XRCC4: variants seen among roughly 807,000 people sequenced by gnomAD.
XRCC4 encodes the protein X-ray repair cross complementing 4.
XRCC4 carries 28 observed loss-of-function variants against 39.1 expected under a neutral mutation model. The observed-to-expected ratio is 0.72, with a 90% CI of 0.53 to 0.98. The LOEUF is 0.98. XRCC4 is among the 50% of genes least tolerant of loss of function. The probability of loss-of-function intolerance (pLI) is 0.00; values close to 1 mark genes in which losing one functional copy is unlikely to be tolerated. For missense variants in XRCC4, 350 were observed against 376.4 expected (o/e 0.93, Z 0.58); for synonymous variants, 123 against 126.4 (o/e 0.97, Z 0.18).
intron 3 of XRCC4, among the ~76,000 whole-genome samples, chr5:83,191,913 CTTAG>C (rs1289750872): frequency 6.6e-6 from 1 of 152,006 alleles, no homozygotes; most frequent in Non-Finnish European, 1.5e-5. Flanking sequence ...CATAGGCTAA[CTTAG>C]TTAAAAAGAA....
intron 3 of XRCC4, among the ~76,000 whole-genome samples, chr5:83,124,233 T>G (rs1472400231): frequency 6.6e-6 from 1 of 152,150 alleles, no homozygotes; most frequent in African/African-American, 2.4e-5. Context: ...TTTTATTACC[T>G]CAAAGAAACC....
chr5:83,205,297 G>T (rs1056773573), intron 6 of XRCC4, among the ~76,000 whole-genome samples: 18 of 152,084 alleles, frequency 1.2e-4, no homozygotes, highest in African/African-American at 4.3e-4. Context: ...ATAGGCCACT[G>T]GAGCAGAGTA....
intron 6 of XRCC4, among the ~76,000 whole-genome samples, chr5:83,218,207 A>C (rs775749619): frequency 7.6e-6 from 1 of 132,410 alleles, no homozygotes; most frequent in East Asian, 2.6e-4. Context: ...TACTAATGCT[A>C]TCCCTCCCCC....
intron 7 of XRCC4, among the ~76,000 whole-genome samples, chr5:83,313,466 T>C (rs1056682357): frequency 2.0e-5 from 3 of 152,050 alleles, no homozygotes; most frequent in African/African-American, 2.4e-5. Flanking sequence ...TTGGGTTTTT[T>C]CCCCCCAGTT....
At chr5:83,111,905 A>G (rs1746462134) in intron 3 of XRCC4, among the ~76,000 whole-genome samples, 1 of 152,108 alleles carries the variant, frequency 6.6e-6, no homozygotes, top group Admixed American at 6.5e-5. Context: ...TCATTTCTGA[A>G]GGAGAGGGAA....
intron 6 of XRCC4, among the ~76,000 whole-genome samples, chr5:83,251,523 CAA>C (rs60359773): frequency 0.029 from 1,999 of 69,624 alleles, 22 homozygotes; most frequent in African/African-American, 0.074. Flanking sequence ...GACTCCGTCT[CAA>C]AAAAAAAAAA....
intron 7 of XRCC4, among the ~76,000 whole-genome samples, chr5:83,286,427 G>C (rs1754735594): frequency 6.6e-6 from 1 of 152,084 alleles, no homozygotes; most frequent in Non-Finnish European, 1.5e-5. Flanking sequence ...GCAATAATAA[G>C]AGCAGCTAAC....
At chr5:83,268,305 T>A (rs2112922872) in intron 7 of XRCC4, among the ~76,000 whole-genome samples, 1 of 152,248 alleles carries the variant, frequency 6.6e-6, no homozygotes, top group East Asian at 1.9e-4. Context: ...AAATCATCTA[T>A]CTTACTTTAG....
intron 6 of XRCC4, among the ~76,000 whole-genome samples, chr5:83,245,823 C>T (rs1753078951): frequency 7.3e-6 from 1 of 137,334 alleles, no homozygotes; most frequent in Non-Finnish European, 1.6e-5. Flanking sequence ...CTTTCCCCCA[C>T]TTTTCTCACT....
At chr5:83,231,254 T>C (rs1301011293) in intron 6 of XRCC4, among the ~76,000 whole-genome samples, 1 of 152,068 alleles carries the variant, frequency 6.6e-6, no homozygotes, top group African/African-American at 2.4e-5. Flanking sequence ...ACTAGTATTA[T>C]TCTTACCAAT....
In XRCC4 at chr5:83,204,902, T is replaced by C; in HGVS notation, c.726T>C (p.Asp242=). The part of the protein sequence containing the change: ...STDEESENQT[D]LSGLASAAVS... ...ATGAGGAAAGTGAAAACCAAACTGA[T>C]CTCTCTGGGTTGGCTTCAGGTAAGA... The change falls in exon 6 of 8, where the codon GAT becomes GAC. Residue 242 remains aspartate, a synonymous_variant. Coordinates refer to ENST00000396027, the MANE Select transcript of XRCC4 (RefSeq NM_003401.5). 1 of 1,611,834 alleles carries C rather than the reference T, an allele frequency of 6.2e-7. No individual in the cohort carries two copies. The highest frequency in any genetic ancestry group is 8.5e-7 in the Non-Finnish European group (1 of 1,178,406).
intron 6 of XRCC4, among the ~76,000 whole-genome samples, chr5:83,254,238 C>T (rs76624673): frequency 0.022 from 3,397 of 152,128 alleles, 104 homozygotes; most frequent in African/African-American, 0.076. Context: ...AATATCGAAT[C>T]CATACTTTTC....
At chr5:83,128,809 T>C (rs972398804) in intron 3 of XRCC4, among the ~76,000 whole-genome samples, 1 of 152,162 alleles carries the variant, frequency 6.6e-6, no homozygotes, top group African/African-American at 2.4e-5. Context: ...TTGCCCACTT[T>C]TTGATGGGGT....
chr5:83,122,510 G>A (rs1456247455), intron 3 of XRCC4, among the ~76,000 whole-genome samples: 3 of 152,140 alleles, frequency 2.0e-5, no homozygotes, highest in African/African-American at 7.2e-5. Flanking sequence ...AATGTCAGTA[G>A]TGTTGAATTT....
intron 7 of XRCC4, chr5:83,259,055 AT>A (rs143296002): frequency 7.7e-5 from 14 of 181,088 alleles, no homozygotes; most frequent in South Asian, 3.4e-4. Context: ...TATGCTTGGC[AT>A]TTTTTTTCAA....
At chr5:83,358,718 T>G (rs991115983), downstream of XRCC4, among the ~76,000 whole-genome samples, 14 of 152,190 alleles carry the variant, frequency 9.2e-5, no homozygotes, top group African/African-American at 3.4e-4. Context: ...ACTGCAATCT[T>G]AGAAATAACA....
intron 7 of XRCC4, among the ~76,000 whole-genome samples, chr5:83,348,027 G>C (rs927597387): frequency 6.6e-6 from 1 of 152,276 alleles, no homozygotes; most frequent in Non-Finnish European, 1.5e-5. Flanking sequence ...CTCACATCCA[G>C]GGCACAGTGA....
At chr5:83,338,835 C>T (rs180874317) in intron 7 of XRCC4, among the ~76,000 whole-genome samples, 200 of 152,250 alleles carry the variant, frequency 1.3e-3, no homozygotes, top group African/African-American at 4.6e-3. Context: ...CTGTGGTCAA[C>T]GGCTTTCTGT....
intron 3 of XRCC4, among the ~76,000 whole-genome samples, chr5:83,149,404 C>T (rs1336697219): frequency 4.6e-5 from 7 of 151,558 alleles, no homozygotes; most frequent in Non-Finnish European, 1.5e-5. Flanking sequence ...ATGGATATTT[C>T]ATTATGTGTT....
Sources: gnomAD v4.1 joint callset for allele counts (sites outside exome capture counted in the v4.1 genomes callset) on GRCh38, gnomAD v4.1.1 for gene constraint, MANE v1.5 for transcripts, NCBI Gene and HGNC (gene_info 2026-07-23, HGNC 2026-07-21) for gene names.